UBAC2: variants seen among roughly 807,000 people sequenced by gnomAD.
UBAC2 encodes ubiquitin-associated domain-containing protein 2.
A neutral mutation model predicts 44.0 loss-of-function variants in UBAC2; 26 were observed. The observed-to-expected ratio is 0.59, with a 90% CI of 0.43 to 0.82. UBAC2 has a LOEUF of 0.82. Among genes scored for constraint, UBAC2 ranks in the 40% least tolerant of loss-of-function variants. UBAC2 has a pLI of 0.00. For missense variants in UBAC2, 329 were observed against 419.4 expected (o/e 0.78, Z 1.88); for synonymous variants, 155 against 154.3 (o/e 1.00, Z -0.04).
chr13:99,229,309 A>G (rs2043146978), intron 1 of UBAC2, among the ~76,000 whole-genome samples: 4 of 152,266 alleles, frequency 2.6e-5, no homozygotes, highest in Admixed American at 2.6e-4. Flanking sequence ...TAAGATTTAG[A>G]TAAGGGAGTA....
At chr13:99,315,375 G>A (rs2044474747) in intron 5 of UBAC2, among the ~76,000 whole-genome samples, 1 of 152,212 alleles carries the variant, frequency 6.6e-6, no homozygotes, top group African/African-American at 2.4e-5. Flanking sequence ...TCTAGTCCTA[G>A]CATGGCTGTC....
At chr13:99,233,774 G>A (rs769655819) in intron 1 of UBAC2, among the ~76,000 whole-genome samples, 3 of 152,008 alleles carry the variant, frequency 2.0e-5, no homozygotes, top group Non-Finnish European at 4.4e-5. Context: ...AAACCCTAGT[G>A]TAAGTCTTAA....
chr13:99,346,752 C>CA (rs2044989440), intron 7 of UBAC2, among the ~76,000 whole-genome samples: 1 of 152,234 alleles, frequency 6.6e-6, no homozygotes, highest in Non-Finnish European at 1.5e-5. Flanking sequence ...CCCCTGTAGA[C>CA]ACTGCCTGTC....
At chr13:99,322,169 CT>C (rs1489384893) in intron 6 of UBAC2, among the ~76,000 whole-genome samples, 1 of 152,222 alleles carries the variant, frequency 6.6e-6, no homozygotes, top group East Asian at 1.9e-4. Flanking sequence ...AACTGTTCTT[CT>C]AGATGTCTGG....
chr13:99,217,687 G>A (rs980119116), intron 1 of UBAC2, among the ~76,000 whole-genome samples: 1 of 152,312 alleles, frequency 6.6e-6, no homozygotes, highest in East Asian at 1.9e-4. Flanking sequence ...GGCCCCAGGC[G>A]TTTCCTTTGG....
At chr13:99,226,160 G>GGA (rs1209180583) in intron 1 of UBAC2, among the ~76,000 whole-genome samples, 1 of 152,198 alleles carries the variant, frequency 6.6e-6, no homozygotes, top group African/African-American at 2.4e-5. Context: ...CTGGTAGAGA[G>GGA]GAGAGAGAGA....
intron 1 of UBAC2, among the ~76,000 whole-genome samples, chr13:99,216,082 T>TTGTGTGTGTGTG (rs3031384): frequency 8.7e-5 from 13 of 148,852 alleles, no homozygotes; most frequent in African/African-American, 2.0e-4. Flanking sequence ...CAACCTATAT[T>TTGTGTGTGTGTG]TGTGTGTGTG....
intron 1 of UBAC2, among the ~76,000 whole-genome samples, chr13:99,201,759 A>G (rs543204520): frequency 2.8e-4 from 43 of 152,296 alleles, no homozygotes; most frequent in African/African-American, 1.0e-3. Flanking sequence ...GGACAGAAAC[A>G]TCTGACATTT....
chr13:99,328,784 G>A, intron 6 of UBAC2, among the ~76,000 whole-genome samples: 1 of 152,028 alleles, frequency 6.6e-6, no homozygotes, highest in East Asian at 1.9e-4. Flanking sequence ...CTAATTTGTG[G>A]CTTGTCTGTT....
intron 4 of UBAC2, among the ~76,000 whole-genome samples, chr13:99,305,110 CTG>C (rs1359302007): frequency 2.6e-5 from 4 of 152,158 alleles, no homozygotes; most frequent in African/African-American, 9.7e-5. Context: ...ACAATTTAGA[CTG>C]AAATTTCGAT....
rs1566525219 is a variant in UBAC2, at chr13:99,367,831, G to A, written c.852G>A (p.Gln284=). The A allele has an allele frequency of 6.2e-7, 1 of 1,613,946 alleles. No homozygotes were observed. Among genetic ancestry groups the A allele is most frequent in the South Asian group, 1.1e-5 (1 of 91,062 alleles). Residue 284 remains glutamine, a synonymous_variant, in exon 8 of 9, where the codon CAG becomes CAA. Coordinates refer to ENST00000403766, the MANE Select transcript of UBAC2 (RefSeq NM_001144072.2). ...ATCGTCTTTTTCCTCCTTTACGTCA[G>A]CGACAAAACGTAAACTATCAGGGCG... is the stretch of plus-strand genomic sequence containing the variant. The part of the protein sequence containing the change: ...NWNRLFPPLR[Q]RQNVNYQGGR...
chr13:99,368,229 G>A (rs1023444772), intron 8 of UBAC2, among the ~76,000 whole-genome samples: 2 of 152,162 alleles, frequency 1.3e-5, no homozygotes, highest in African/African-American at 4.8e-5. Flanking sequence ...TGGGAGGATG[G>A]GGAGGGAGTG....
chr13:99,364,627 G>T (rs557581669), intron 7 of UBAC2, among the ~76,000 whole-genome samples: 167 of 152,158 alleles, frequency 1.1e-3, no homozygotes, highest in African/African-American at 3.7e-3. Context: ...TAGGTTTTTG[G>T]TGGGTAGATT....
At chr13:99,308,337 T>C (rs1323918212) in intron 4 of UBAC2, among the ~76,000 whole-genome samples, 1 of 152,146 alleles carries the variant, frequency 6.6e-6, no homozygotes, top group Non-Finnish European at 1.5e-5. Context: ...GTGTATGCTT[T>C]GTAGGCATAG....
At chr13:99,283,892 G>A (rs761049502) in intron 4 of UBAC2, among the ~76,000 whole-genome samples, 1 of 151,888 alleles carries the variant, frequency 6.6e-6, no homozygotes. Flanking sequence ...GTGCCACCAC[G>A]CCCAGCTAAT....
At chr13:99,268,183 G>A (rs553050943) in intron 4 of UBAC2, among the ~76,000 whole-genome samples, 4 of 152,324 alleles carry the variant, frequency 2.6e-5, no homozygotes, top group African/African-American at 9.6e-5. Flanking sequence ...AATCTTACCT[G>A]GGCAGTTGTG....
At chr13:99,267,718 T>C (rs1279069027) in intron 4 of UBAC2, among the ~76,000 whole-genome samples, 1 of 152,236 alleles carries the variant, frequency 6.6e-6, no homozygotes, top group African/African-American at 2.4e-5. Flanking sequence ...TGTAGCATTC[T>C]TGGTCCCTGC....
rs143401786 is a variant in UBAC2 at position 99,214,223 on chromosome 13, G to GT, written c.31+13301dup. Among the ~76,000 whole-genome samples, 571 of 125,616 alleles carry GT rather than the reference G, an allele frequency of 4.5e-3. 4 individuals carry two copies. Among genetic ancestry groups the GT allele is most frequent in the African/African-American group, 9.7e-3 (332 of 34,064 alleles). The allele number at this position is 125,616 out of a possible 152,430, so 82.4% of individuals were successfully genotyped here. A position where few individuals can be genotyped will look rare whatever the true frequency, so the allele number is the denominator to read the frequency against. On this transcript the variant is annotated intron_variant, in intron 1 of 8. Coordinates refer to ENST00000403766, the MANE Select transcript of UBAC2 (RefSeq NM_001144072.2). ...TTTTTTGCCTTGGCATCTTTGGTTT[G>GT]TTTTTTTTTTTTTTTTTCCTGGAAT...
rs895540224 is a variant in UBAC2, at chr13:99,347,324, C to G, written c.807+6759C>G. On this transcript the variant is annotated intron_variant, in intron 7 of 8. Coordinates refer to ENST00000403766, the MANE Select transcript of UBAC2 (RefSeq NM_001144072.2). Reference sequence around the variant, plus strand: ...AGACGTTACTATCCCCGGGCGCCCCCCCCCCCCCCCAGGAAAAAAAAGGCA... The same window carrying G: ...AGACGTTACTATCCCCGGGCGCCCCGCCCCCCCCCCAGGAAAAAAAAGGCA... Among the ~76,000 whole-genome samples the G allele has an allele frequency of 4.2e-4, 32 of 76,176 alleles. 8 individuals carry two copies. Among genetic ancestry groups the G allele is most frequent in the Admixed American group, 2.2e-3 (21 of 9,400 alleles). 50.0% of individuals were successfully genotyped at this position (76,176 alleles called of 152,430 possible).
Sources: allele counts gnomAD v4.1 joint callset (sites outside exome capture counted in the v4.1 genomes callset), GRCh38; gene constraint gnomAD v4.1.1; transcripts MANE v1.5; gene names NCBI Gene and HGNC (gene_info 2026-07-23, HGNC 2026-07-21).